Variants in ARL8B observed in about 807,000 individuals in gnomAD.
ARL8B encodes ARF like GTPase 8B, also known as ADP-ribosylation factor-like protein 8B.
ARL8B carries 9 observed loss-of-function variants against 30.6 expected under a neutral mutation model. The observed-to-expected ratio is 0.29, with a 90% CI of 0.18 to 0.51. The LOEUF (loss-of-function observed/expected upper bound fraction) is 0.51, where lower values mean the gene tolerates loss of function less well. ARL8B is among the 20% of genes least tolerant of loss of function. The probability of loss-of-function intolerance (pLI) is 0.97; values close to 1 mark genes in which losing one functional copy is unlikely to be tolerated. For missense variants in ARL8B, 130 were observed against 227.2 expected, an observed-to-expected ratio of 0.57 and a Z score of 2.75; for synonymous variants, 74 against 76.0, an observed-to-expected ratio of 0.97 and a Z score of 0.14.
Position 5,122,341 on chromosome 3 carries a change from C to A in ARL8B, c.-125C>A. Reference sequence around the variant, plus strand: ...TCTGGCTGCTGCCGCCCGCCGGTGTCCGCCCGTGTCGCGCCGGGGCACCAA... The same window carrying A: ...TCTGGCTGCTGCCGCCCGCCGGTGTACGCCCGTGTCGCGCCGGGGCACCAA... On this transcript the variant is annotated 5_prime_UTR_variant, in exon 1 of 7. Transcript: ENST00000256496. 2 of 1,542,648 alleles carry A rather than the reference C, an allele frequency of 1.3e-6. No individual in the cohort carries two copies. The highest frequency in any genetic ancestry group is 2.7e-5 in the African/African-American group (2 of 72,922).
chr3:5,130,220 C>G (rs1429715608), intron 1 of ARL8B, among the ~76,000 whole-genome samples: 1 of 150,768 alleles, frequency 6.6e-6, no homozygotes, highest in African/African-American at 2.4e-5. Context: ...GACTTCATCT[C>G]ACTGTGTTGC....
At chr3:5,174,477 T>TA (rs1400937005) in intron 6 of ARL8B, 63 bp downstream of exon 6, 1 of 1,074,858 alleles carries the variant, frequency 9.3e-7, no homozygotes, top group African/African-American at 1.6e-5. Context: ...CTATGCTTCT[T>TA]ACAGCTTATT....
chr3:5,155,700 C>T (rs527887174), intron 1 of ARL8B, among the ~76,000 whole-genome samples: 10 of 138,804 alleles, frequency 7.2e-5, no homozygotes, highest in South Asian at 5.0e-4. Context: ...AATCAGCCTT[C>T]GTGTTCCTCT....
chr3:5,145,827 AC>A (rs35620011), intron 1 of ARL8B, among the ~76,000 whole-genome samples: 59,663 of 151,882 alleles, frequency 0.39, 13,535 homozygotes, highest in African/African-American at 0.65. Flanking sequence ...GAAAAGGTAG[AC>A]CCCTCTATTC....
chr3:5,138,423 C>T (rs988880456), intron 1 of ARL8B, among the ~76,000 whole-genome samples: 1 of 152,086 alleles, frequency 6.6e-6, no homozygotes, highest in Non-Finnish European at 1.5e-5. Context: ...GGTTCAAATT[C>T]CAGTTTTGCC....
At chr3:5,171,548 G>C (rs2054676014) in intron 2 of ARL8B, among the ~76,000 whole-genome samples, 1 of 151,944 alleles carries the variant, frequency 6.6e-6, no homozygotes, top group Non-Finnish European at 1.5e-5. Flanking sequence ...AGGTTTCACT[G>C]TGTTGGCCAG....
At chr3:5,132,597 C>T (rs973060249) in intron 1 of ARL8B, among the ~76,000 whole-genome samples, 3 of 152,144 alleles carry the variant, frequency 2.0e-5, no homozygotes, top group Non-Finnish European at 4.4e-5. Flanking sequence ...AATAGTCTGT[C>T]CCTTTTCACA....
intron 1 of ARL8B, among the ~76,000 whole-genome samples, chr3:5,136,070 G>A (rs1272349511): frequency 1.3e-5 from 2 of 151,672 alleles, no homozygotes; most frequent in Non-Finnish European, 2.9e-5. Flanking sequence ...TTATAGGCGT[G>A]AGCCATCACG....
chr3:5,162,267 T>G (rs758122841), intron 1 of ARL8B, among the ~76,000 whole-genome samples: 2 of 152,238 alleles, frequency 1.3e-5, no homozygotes, highest in Non-Finnish European at 2.9e-5. Flanking sequence ...ATGTCACTCA[T>G]TGACCTCAGG....
intron 6 of ARL8B, among the ~76,000 whole-genome samples, chr3:5,175,078 G>A (rs988765062): frequency 7.9e-5 from 12 of 151,998 alleles, no homozygotes; most frequent in African/African-American, 2.9e-4. Context: ...TGGGATTACA[G>A]GTGTGAGCCC....
chr3:5,137,148 G>C (rs1305113545), intron 1 of ARL8B, among the ~76,000 whole-genome samples: 1 of 152,086 alleles, frequency 6.6e-6, no homozygotes, highest in Non-Finnish European at 1.5e-5. Flanking sequence ...CAAAGCTTCA[G>C]TTTCCTCATT....
chr3:5,136,541 T>C (rs2054327159), intron 1 of ARL8B, among the ~76,000 whole-genome samples: 1 of 152,252 alleles, frequency 6.6e-6, no homozygotes, highest in African/African-American at 2.4e-5. Context: ...ATTTTTTGCT[T>C]TCTTTGGCTC....
intron 1 of ARL8B, among the ~76,000 whole-genome samples, chr3:5,161,207 A>G (rs952463917): frequency 2.0e-5 from 3 of 152,220 alleles, no homozygotes; most frequent in African/African-American, 4.8e-5. Context: ...ACCAGCCTTT[A>G]CCACTAGTTA....
chr3:5,176,209 C>A (rs1013867512), intron 6 of ARL8B, among the ~76,000 whole-genome samples: 2 of 152,110 alleles, frequency 1.3e-5, no homozygotes. Flanking sequence ...TCACCTTCCA[C>A]CCCGCCTGCA....
chr3:5,144,690 C>G (rs1054870328), intron 1 of ARL8B, among the ~76,000 whole-genome samples: 1 of 152,250 alleles, frequency 6.6e-6, no homozygotes, highest in Admixed American at 6.5e-5. Context: ...AGTCTAATTT[C>G]TTCCTCCAGG....
intron 1 of ARL8B, among the ~76,000 whole-genome samples, chr3:5,124,606 A>G (rs116767854): frequency 1.6e-4 from 25 of 152,134 alleles, no homozygotes; most frequent in African/African-American, 4.6e-4. Flanking sequence ...AGCTGGGACT[A>G]CAGGCATGTG....
At chr3:5,161,874 T>C (rs963246025) in intron 1 of ARL8B, among the ~76,000 whole-genome samples, 3 of 152,234 alleles carry the variant, frequency 2.0e-5, no homozygotes, top group African/African-American at 4.8e-5. Flanking sequence ...CTGTTTTGCA[T>C]AGCATATATT....
Position 5,178,992 on chromosome 3 carries a change from T to C in ARL8B, c.*279T>C, listed in dbSNP as rs1458093868. The C allele has an allele frequency of 3.3e-6, 1 of 305,688 alleles. No homozygotes were observed. The highest frequency in any genetic ancestry group is 5.0e-5 in the Admixed American group (1 of 19,806). 18.9% of individuals were successfully genotyped at this position (305,688 alleles called of 1,614,324 possible). On this transcript the variant is annotated 3_prime_UTR_variant, in exon 7 of 7. Transcript: ENST00000256496. Reference sequence around the variant, plus strand: ...TTAAAAACAGAAAAAAAACCCCATATACTTATGACCATCTTAAATCAAGAA... The same window carrying C: ...TTAAAAACAGAAAAAAAACCCCATACACTTATGACCATCTTAAATCAAGAA...
At chr3:5,176,422 G>A (rs2054730355) in intron 6 of ARL8B, among the ~76,000 whole-genome samples, 1 of 151,994 alleles carries the variant, frequency 6.6e-6, no homozygotes, top group African/African-American at 2.4e-5. Context: ...GTAGAGACAG[G>A]GTTTCATCAT....
Sources: gnomAD v4.1 joint callset for allele counts (sites outside exome capture counted in the v4.1 genomes callset) on GRCh38, gnomAD v4.1.1 for gene constraint, MANE v1.5 for transcripts, NCBI Gene and HGNC (gene_info 2026-07-23, HGNC 2026-07-21) for gene names.